The following NRG1 variants were observed in gnomAD, a reference collection of about 807,000 sequenced individuals.
NRG1 encodes the protein pro-neuregulin-1, membrane-bound isoform.
NRG1 carries 18 observed loss-of-function variants against 63.8 expected under a neutral mutation model. That is an observed-to-expected ratio of 0.28 (90% CI 0.19 to 0.42). The LOEUF (loss-of-function observed/expected upper bound fraction) is 0.42. Ranked by LOEUF, NRG1 falls within the 10% of genes least tolerant of loss-of-function variation. The pLI, the probability that NRG1 is intolerant of heterozygous loss-of-function variation, is 1.00. For missense variants in NRG1, 762 were observed against 814.7 expected, an observed-to-expected ratio of 0.94 and a Z score of 0.79; for synonymous variants, 302 against 301.3, an observed-to-expected ratio of 1.00 and a Z score of -0.02.
chr8:31,907,972 G>A (rs1482369920), intron 1 of NRG1, among the ~76,000 whole-genome samples: 16 of 152,064 alleles, frequency 1.1e-4, no homozygotes, highest in Admixed American at 1.0e-3. Context: ...AATTGAAGAA[G>A]CTTTAGGGAG....
At chr8:32,640,271 A>ACACACACACACACG (rs1299313079) in intron 5 of NRG1, among the ~76,000 whole-genome samples, 1 of 151,328 alleles carries the variant, frequency 6.6e-6, no homozygotes, top group African/African-American at 2.4e-5. Flanking sequence ...ACACACACAC[A>ACACACACACACACG]CACGCACGCA....
chr8:32,211,658 TC>T (rs926938053), intron 1 of NRG1, among the ~76,000 whole-genome samples: 1 of 152,172 alleles, frequency 6.6e-6, no homozygotes, highest in Admixed American at 6.5e-5. Flanking sequence ...AACTTGAACA[TC>T]TTTCCATATT....
intron 5 of NRG1, among the ~76,000 whole-genome samples, chr8:32,639,683 G>C (rs1200641226): frequency 6.6e-6 from 1 of 152,154 alleles, no homozygotes; most frequent in Admixed American, 6.5e-5. Flanking sequence ...TATTTCTAGA[G>C]CATTTGCTAT....
chr8:32,216,137 T>TA (rs1260052167), intron 1 of NRG1, among the ~76,000 whole-genome samples: 8 of 151,022 alleles, frequency 5.3e-5, no homozygotes, highest in Admixed American at 2.0e-4. Flanking sequence ...GAAATGTATA[T>TA]ATTATATTAG....
intron 1 of NRG1, among the ~76,000 whole-genome samples, chr8:32,594,458 A>G (rs1218139716): frequency 6.6e-6 from 1 of 152,170 alleles, no homozygotes; most frequent in Non-Finnish European, 1.5e-5. Context: ...TTATTCATCT[A>G]TGCTTTTAAG....
chr8:32,211,205 T>C (rs1844672565), intron 1 of NRG1, among the ~76,000 whole-genome samples: 2 of 152,332 alleles, frequency 1.3e-5, no homozygotes, highest in East Asian at 3.9e-4. Flanking sequence ...TTTTTCTATA[T>C]ACACAGTATA....
At chr8:31,766,855 T>A (rs538091097) in intron 1 of NRG1, among the ~76,000 whole-genome samples, 159 of 152,314 alleles carry the variant, frequency 1.0e-3, no homozygotes, top group Non-Finnish European at 1.8e-3. Context: ...TCTTGCTCCT[T>A]GGAGCAGAAC....
At chr8:32,118,189 C>T (rs1466559907) in intron 1 of NRG1, among the ~76,000 whole-genome samples, 1 of 152,034 alleles carries the variant, frequency 6.6e-6, no homozygotes, top group African/African-American at 2.4e-5. Flanking sequence ...TGGAGGTGGG[C>T]TTAATGGGAG....
chr8:32,174,007 G>A (rs1042313036), intron 1 of NRG1, among the ~76,000 whole-genome samples: 1 of 151,824 alleles, frequency 6.6e-6, no homozygotes, highest in South Asian at 2.1e-4. Flanking sequence ...ACATCTACAG[G>A]ACTCTCCACC....
intron 1 of NRG1, among the ~76,000 whole-genome samples, chr8:32,349,170 C>G (rs1337230119): frequency 6.6e-6 from 1 of 152,256 alleles, no homozygotes; most frequent in African/African-American, 2.4e-5. Flanking sequence ...GTGCATGTTC[C>G]TAGTTATGTG....
At chr8:32,489,963 G>A (rs372982487) in intron 1 of NRG1, among the ~76,000 whole-genome samples, 87 of 152,272 alleles carry the variant, frequency 5.7e-4, no homozygotes, top group African/African-American at 2.0e-3. Context: ...GGTTCTCAAA[G>A]TGTAGTATCT....
At chr8:31,663,759 C>T (rs551548881) in intron 1 of NRG1, among the ~76,000 whole-genome samples, 40 of 152,226 alleles carry the variant, frequency 2.6e-4, no homozygotes, top group Middle Eastern at 6.8e-3. Flanking sequence ...GGGACTCTTT[C>T]AAGTACTATT....
intron 1 of NRG1, among the ~76,000 whole-genome samples, chr8:31,904,770 A>C (rs1374130713): frequency 6.6e-6 from 1 of 152,116 alleles, no homozygotes; most frequent in Admixed American, 6.6e-5. Context: ...GCAAACTAAC[A>C]CTGAAACAGA....
At chr8:31,853,395 T>A (rs1418630881) in intron 1 of NRG1, among the ~76,000 whole-genome samples, 1 of 150,876 alleles carries the variant, frequency 6.6e-6, no homozygotes, top group East Asian at 1.9e-4. Context: ...AGTTCACTCA[T>A]GATTTGGCTC....
At chr8:31,920,176 C>T (rs1256348393) in intron 1 of NRG1, among the ~76,000 whole-genome samples, 1 of 152,060 alleles carries the variant, frequency 6.6e-6, no homozygotes, top group Admixed American at 6.6e-5. Flanking sequence ...AGGAATTCCA[C>T]TTGAGCTGTA....
At chr8:32,387,538 T>C (rs1200382704) in intron 1 of NRG1, among the ~76,000 whole-genome samples, 2 of 152,286 alleles carry the variant, frequency 1.3e-5, no homozygotes, top group East Asian at 3.9e-4. Context: ...TAGCTAGGCT[T>C]ATGCACATAA....
At chr8:32,339,983 A>G (rs1438399290) in intron 1 of NRG1, among the ~76,000 whole-genome samples, 5 of 152,124 alleles carry the variant, frequency 3.3e-5, no homozygotes, top group Non-Finnish European at 7.3e-5. Context: ...TAGAGGTCAG[A>G]CAGGAATGAC....
intron 5 of NRG1, among the ~76,000 whole-genome samples, chr8:32,618,656 A>T (rs1847800824): frequency 6.6e-6 from 1 of 152,216 alleles, no homozygotes; most frequent in Admixed American, 6.5e-5. Flanking sequence ...AGTTCTCAGT[A>T]AATATGGTTG....
At chr8:32,647,231 C>G in intron 5 of NRG1, 2 of 985,348 alleles carry the variant, frequency 2.0e-6, no homozygotes, top group Non-Finnish European at 2.4e-6. Context: ...TACTGCCTCT[C>G]CTGCCGCCGC....
Sources: gnomAD v4.1 joint callset for allele counts (sites outside exome capture counted in the v4.1 genomes callset) on GRCh38, gnomAD v4.1.1 for gene constraint, MANE v1.5 for transcripts, NCBI Gene and HGNC (gene_info 2026-07-23, HGNC 2026-07-21) for gene names.